Variants in NCOA3 observed in about 807,000 individuals in gnomAD.
The protein encoded by NCOA3 is CBP-interacting protein.
NCOA3 carries 51 observed loss-of-function variants against 158.8 expected under a neutral mutation model. That is an observed-to-expected ratio of 0.32 (90% confidence interval 0.26 to 0.41). The LOEUF is 0.41. Among genes scored for constraint, NCOA3 ranks in the 10% least tolerant of loss-of-function variants. The pLI, the probability that NCOA3 is intolerant of heterozygous loss-of-function variation, is 1.00. For missense variants in NCOA3, 1,510 were observed against 1,746.6 expected, an observed-to-expected ratio of 0.86 and a Z score of 2.41; for synonymous variants, 537 against 592.4, an observed-to-expected ratio of 0.91 and a Z score of 1.36.
chr20:47,596,816 C>T (rs895210323), intron 2 of NCOA3, among the ~76,000 whole-genome samples: 1 of 152,140 alleles, frequency 6.6e-6, no homozygotes, highest in Non-Finnish European at 1.5e-5. Context: ...TGGTCTCGAA[C>T]TGAGCTCAAG....
At position 47,653,432 on chromosome 20, in the gene NCOA3, G is replaced by C. The variant is rs372774941; in HGVS notation, c.*15G>C. Reference sequence around the variant, plus strand: ...AATACTGCTGACATCTCTGCACCAGGACCTCTTAAGGAAACCACTGTACAA... The same window carrying C: ...AATACTGCTGACATCTCTGCACCAGCACCTCTTAAGGAAACCACTGTACAA... On this transcript the variant is annotated 3_prime_UTR_variant, in exon 23 of 23. Coordinates refer to ENST00000371998, the MANE Select transcript of NCOA3 (RefSeq NM_181659.3). The C allele has an allele frequency of 3.7e-5, 59 of 1,603,686 alleles. No homozygotes were observed. Among genetic ancestry groups the C allele is most frequent in the South Asian group, 1.7e-4 (15 of 90,318 alleles).
At chr20:47,580,553 A>AT (rs2085436360) in intron 1 of NCOA3, among the ~76,000 whole-genome samples, 1 of 151,716 alleles carries the variant, frequency 6.6e-6, no homozygotes, top group Non-Finnish European at 1.5e-5. Context: ...GTGAAACTCC[A>AT]TCCCCCACCC....
intron 1 of NCOA3, among the ~76,000 whole-genome samples, chr20:47,572,616 G>C (rs902715364): frequency 6.6e-6 from 1 of 151,624 alleles, no homozygotes; most frequent in South Asian, 2.1e-4. Context: ...AGCTCACTGC[G>C]ACTTCCACCT....
chr20:47,513,500 C>G (rs923337709), intron 1 of NCOA3, among the ~76,000 whole-genome samples: 1 of 151,948 alleles, frequency 6.6e-6, no homozygotes, highest in Non-Finnish European at 1.5e-5. Context: ...CTGAGGCAAG[C>G]AGATCATTCA....
At chr20:47,533,789 G>A (rs932378967) in intron 1 of NCOA3, among the ~76,000 whole-genome samples, 12 of 152,242 alleles carry the variant, frequency 7.9e-5, no homozygotes, top group Admixed American at 6.5e-4. Context: ...GCCCAGCATG[G>A]TGGCAGGTGC....
At chr20:47,648,300 T>A (rs1005543331) in intron 18 of NCOA3, among the ~76,000 whole-genome samples, 1 of 152,180 alleles carries the variant, frequency 6.6e-6, no homozygotes, top group Admixed American at 6.5e-5. Flanking sequence ...TGTTACTGTA[T>A]TCATTTTACT....
rs2086512997 is a variant in NCOA3 at position 47,636,220 on chromosome 20, C to G, written c.1834C>G (p.Pro612Ala). The G allele has an allele frequency of 8.7e-6, 14 of 1,614,080 alleles. No homozygotes were observed. Among genetic ancestry groups the G allele is most frequent in the Non-Finnish European group, 1.1e-5 (13 of 1,180,010 alleles). Residue 612 changes from proline (P) to alanine (A), a missense_variant, in exon 12 of 23, where the codon CCT becomes GCT. Transcript: ENST00000371998. Reference sequence around the variant, plus strand: ...TGAGGGGGCAGAGAATCAAAGGGGTCCTTTGGAAAGCAAAGGTCATAAAAA... The same window carrying G: ...TGAGGGGGCAGAGAATCAAAGGGGTGCTTTGGAAAGCAAAGGTCATAAAAA... ...SVEGAENQRG[P>A]LESKGHKKLL...
chr20:47,589,938 T>TA (rs1413279464), intron 2 of NCOA3, among the ~76,000 whole-genome samples: 1 of 151,662 alleles, frequency 6.6e-6, no homozygotes, highest in Non-Finnish European at 1.5e-5. Context: ...GTTTTCTTTT[T>TA]AAAAAAATTT....
At chr20:47,512,692 A>G (rs2084166585) in intron 1 of NCOA3, among the ~76,000 whole-genome samples, 1 of 152,222 alleles carries the variant, frequency 6.6e-6, no homozygotes, top group African/African-American at 2.4e-5. Flanking sequence ...ACTGAAAACT[A>G]CAATGAGATA....
chr20:47,515,472 C>CTTTT (rs111350575), intron 1 of NCOA3, among the ~76,000 whole-genome samples: 226 of 129,920 alleles, frequency 1.7e-3, no homozygotes, highest in Non-Finnish European at 2.6e-3. Flanking sequence ...TTCTTTCTTT[C>CTTTT]TTTTTTTTTT....
In NCOA3 at chr20:47,655,527, T is replaced by C. The variant is rs1488751203; in HGVS notation, c.*2110T>C. On this transcript the variant is annotated 3_prime_UTR_variant, in exon 23 of 23. Coordinates refer to ENST00000371998, the MANE Select transcript of NCOA3 (RefSeq NM_181659.3). ...ATTTTCAAAGCAGTATAGACAATTA[T>C]GAGTTTGCCCTCTTTCCCCTACCAA... The C allele has an allele frequency of 1.3e-5, 2 of 152,730 alleles. No homozygotes were observed. Among genetic ancestry groups the C allele is most frequent in the Non-Finnish European group, 2.9e-5 (2 of 68,030 alleles). The allele number at this position is 152,730 out of a possible 1,614,324, so 9.5% of individuals were successfully genotyped here. A position where few individuals can be genotyped will look rare whatever the true frequency, so the allele number is the denominator to read the frequency against.
rs2425973 is a variant in NCOA3 at position 47,569,826 on chromosome 20, C to G, written c.-98-13357C>G. ...GAGATCAAGACCATCCTGGCTAACA[C>G]GGTGAAACCCCGTCTCTACTAAAAA... On this transcript the variant is annotated intron_variant, in intron 1 of 22. Transcript: ENST00000371998. 3.3e-5 allele frequency among the ~76,000 whole-genome samples: 5 copies of G among 151,968 alleles called. No individual in the cohort carries two copies. In the South Asian group the frequency reaches 1.0e-3, roughly 32 times the overall value.
intron 1 of NCOA3, among the ~76,000 whole-genome samples, chr20:47,562,178 A>G (rs2085118119): frequency 6.6e-6 from 1 of 152,206 alleles, no homozygotes; most frequent in Non-Finnish European, 1.5e-5. Flanking sequence ...GGTTGCTTCC[A>G]TGCTTTAGCA....
At chr20:47,570,005 G>C (rs907406188) in intron 1 of NCOA3, among the ~76,000 whole-genome samples, 1 of 150,072 alleles carries the variant, frequency 6.7e-6, no homozygotes. Flanking sequence ...GTGAGACTCC[G>C]TCTCAAAAAA....
At chr20:47,576,616 TAAA>T (rs920190704) in intron 1 of NCOA3, among the ~76,000 whole-genome samples, 4 of 151,830 alleles carry the variant, frequency 2.6e-5, no homozygotes, top group African/African-American at 9.7e-5. Flanking sequence ...CCCCTGTCCT[TAAA>T]AAAAATAAAA....
intron 1 of NCOA3, among the ~76,000 whole-genome samples, chr20:47,510,620 G>T (rs1008347321): frequency 6.6e-6 from 1 of 151,778 alleles, no homozygotes; most frequent in Non-Finnish European, 1.5e-5. Context: ...TTTGGAGAGG[G>T]TCTTGCTCTG....
At chr20:47,502,779 T>C (rs181625627) in intron 1 of NCOA3, among the ~76,000 whole-genome samples, 1 of 151,840 alleles carries the variant, frequency 6.6e-6, no homozygotes, top group Non-Finnish European at 1.5e-5. Context: ...AATAAACTGC[T>C]TGTCTTGTAC....
At chr20:47,643,506 C>T (rs1453294288) in intron 17 of NCOA3, among the ~76,000 whole-genome samples, 2 of 152,174 alleles carry the variant, frequency 1.3e-5, no homozygotes, top group Non-Finnish European at 2.9e-5. Context: ...CTTGTTCAGG[C>T]ACACTAAATA....
intron 1 of NCOA3, among the ~76,000 whole-genome samples, chr20:47,544,316 CTTTT>C (rs397866275): frequency 1.0e-5 from 1 of 99,718 alleles, no homozygotes; most frequent in Non-Finnish European, 2.0e-5. Context: ...TTTAATACTA[CTTTT>C]TTTTTTTTTT....
Sources: allele counts gnomAD v4.1 joint callset (sites outside exome capture counted in the v4.1 genomes callset), GRCh38; gene constraint gnomAD v4.1.1; transcripts MANE v1.5; gene names NCBI Gene and HGNC (gene_info 2026-07-23, HGNC 2026-07-21).